Variants in ATE1 observed in about 807,000 individuals in gnomAD.
The protein encoded by ATE1 is arginyl-tRNA--protein transferase 1.
In ATE1, 36 loss-of-function variants were observed where a neutral mutation model predicts 70.5. The ratio of observed to expected loss-of-function variants is 0.51; its 90% CI spans 0.39 to 0.67. The LOEUF (loss-of-function observed/expected upper bound fraction) is 0.67, where lower values mean the gene tolerates loss of function less well. ATE1 is among the 30% of genes least tolerant of loss of function. The probability of loss-of-function intolerance (pLI) is 0.00; values close to 1 mark genes in which losing one functional copy is unlikely to be tolerated. For missense variants in ATE1, 593 were observed against 629.5 expected (o/e 0.94, Z 0.62); for synonymous variants, 232 against 219.3 (o/e 1.06, Z -0.51).
rs540294149 is a variant in ATE1, at chr10:121,752,292, G to A, written c.1379-8434C>T. Among the ~76,000 whole-genome samples the A allele has an allele frequency of 5.6e-5, 8 of 143,856 alleles. No individual in the cohort carries two copies. The South Asian group carries it at 7.0e-4, about 13-fold the overall frequency. The allele number at this position is 143,856 out of a possible 152,430, so 94.4% of individuals were successfully genotyped here. ...GTCGCCCAGGCTGGAGTGCAGTGGC[G>A]CAACCTCTGCTCACTGCAAGCTCCG... is the stretch of plus-strand genomic sequence containing the variant. On this transcript the variant is annotated intron_variant, in intron 11 of 11. Transcript: ENST00000224652.
At chr10:121,858,814 G>A (rs1466260407) in intron 8 of ATE1, among the ~76,000 whole-genome samples, 1 of 151,552 alleles carries the variant, frequency 6.6e-6, no homozygotes, top group Non-Finnish European at 1.5e-5. Context: ...GATATGTAAG[G>A]GCCGGGCGCG....
chr10:121,748,335 A>G (rs1944447485), intron 11 of ATE1, among the ~76,000 whole-genome samples: 1 of 152,140 alleles, frequency 6.6e-6, no homozygotes, highest in Admixed American at 6.5e-5. Context: ...GAAAAACCCT[A>G]CCATTATGTA....
In ATE1 at chr10:121,859,248, T is replaced by G. The variant is rs910338327; in HGVS notation, c.975+10758A>C. Among the ~76,000 whole-genome samples, 149 of 150,870 alleles carry G rather than the reference T, an allele frequency of 9.9e-4. 1 individual carries two copies. The highest frequency in any genetic ancestry group is 4.0e-4 in the Admixed American group (6 of 15,158). On this transcript the variant is annotated intron_variant, in intron 8 of 11. Transcript: ENST00000224652. ...TCCCTATGAAAGAAAAGTTATTATT[T>G]TATTTTATTTTATTTTTTTTTTTTT...
intron 7 of ATE1, among the ~76,000 whole-genome samples, chr10:121,896,659 A>C (rs1290421325): frequency 1.3e-5 from 2 of 151,692 alleles, no homozygotes; most frequent in Non-Finnish European, 2.9e-5. Flanking sequence ...AAATACAAAA[A>C]TTAGCTGGGC....
chr10:121,786,869 T>C (rs555579500), intron 11 of ATE1, among the ~76,000 whole-genome samples: 2 of 152,312 alleles, frequency 1.3e-5, no homozygotes, highest in Admixed American at 6.5e-5. Context: ...TATATGTGTA[T>C]AGAACTTTTG....
At chr10:121,928,322 C>T (rs960749919), upstream of ATE1, 3 of 1,514,652 alleles carry the variant, frequency 2.0e-6, no homozygotes, top group Non-Finnish European at 2.6e-6. Flanking sequence ...GCGGCCGCGC[C>T]AACTCCGGCG....
At chr10:121,863,226 T>G (rs1949537768) in intron 8 of ATE1, among the ~76,000 whole-genome samples, 1 of 147,290 alleles carries the variant, frequency 6.8e-6, no homozygotes, top group Non-Finnish European at 1.5e-5. Flanking sequence ...ATGTCACTCT[T>G]TCTTCCAACT....
At chr10:121,907,792 C>T (rs1332985769) in intron 5 of ATE1, among the ~76,000 whole-genome samples, 1 of 151,918 alleles carries the variant, frequency 6.6e-6, no homozygotes, top group East Asian at 1.9e-4. Context: ...GATTAAAATG[C>T]TGTAGTCCTG....
chr10:121,776,600 T>C (rs1945753545), intron 11 of ATE1, among the ~76,000 whole-genome samples: 1 of 152,206 alleles, frequency 6.6e-6, no homozygotes, highest in Non-Finnish European at 1.5e-5. Flanking sequence ...GGGCATGAAA[T>C]TCATGTAATG....
intron 11 of ATE1, among the ~76,000 whole-genome samples, chr10:121,789,587 C>T (rs1325747584): frequency 3.9e-5 from 6 of 152,022 alleles, no homozygotes; most frequent in African/African-American, 7.2e-5. Context: ...GTGTGAGCCA[C>T]GGCACCCAGC....
chr10:121,871,365 A>G (rs1949853321), intron 7 of ATE1, among the ~76,000 whole-genome samples: 1 of 152,178 alleles, frequency 6.6e-6, no homozygotes, highest in Non-Finnish European at 1.5e-5. Context: ...AGGCTGAGGC[A>G]GGAGAATTGC....
intron 5 of ATE1, among the ~76,000 whole-genome samples, chr10:121,907,450 G>A (rs1449711073): frequency 6.6e-6 from 1 of 151,032 alleles, no homozygotes; most frequent in Non-Finnish European, 1.5e-5. Flanking sequence ...GGGCAACAGA[G>A]CGAGACTGTG....
At position 121,911,061 on chromosome 10, in the gene ATE1, A is replaced by C. The variant is rs1034835200; in HGVS notation, c.428T>G (p.Leu143Arg). ...TAAACTCTCTTTGATGTCATCACTG[A>C]GTGTTTTAAGATCACACTGTATATC... ...KLDIQCDLKT[L>R]SDDIKESLES... Residue 143 changes from leucine to arginine, a missense_variant, in exon 5 of 12, where the codon CTC (leucine) becomes CGC (arginine). Physicochemically the swap from Leu to Arg is moderately radical, Grantham distance 102. Coordinates refer to ENST00000224652, the MANE Select transcript of ATE1 (RefSeq NM_001001976.3). 5 of 1,613,320 alleles carry C rather than the reference A, an allele frequency of 3.1e-6. No homozygotes were observed. In the African/African-American group the frequency reaches 4.0e-5, roughly 13 times the overall value.
intron 11 of ATE1, among the ~76,000 whole-genome samples, chr10:121,774,794 T>C (rs1005975168): frequency 6.6e-6 from 1 of 151,944 alleles, no homozygotes. Flanking sequence ...AGAAATTATC[T>C]GTGCTGATGA....
At chr10:121,769,936 G>C (rs1945433211) in intron 11 of ATE1, among the ~76,000 whole-genome samples, 1 of 152,196 alleles carries the variant, frequency 6.6e-6, no homozygotes. Flanking sequence ...AGCCATGCCG[G>C]AAAATAGTTT....
rs201116177 is a variant in ATE1, at chr10:121,743,677, A to G, written c.*3T>C. The G allele has an allele frequency of 1.1e-5, 17 of 1,603,350 alleles. No homozygotes were observed. Among genetic ancestry groups the G allele is most frequent in the Admixed American group, 1.7e-5 (1 of 57,968 alleles). ...CAGGAACTTCCCGGCAGAGGTGAAC[A>G]GGTCAGTTTCTGAACAGCAGCATCC... On this transcript the variant is annotated 3_prime_UTR_variant, in exon 12 of 12. Transcript: ENST00000224652.
chr10:121,817,211 T>C (rs1352161137), intron 10 of ATE1, among the ~76,000 whole-genome samples: 2 of 152,242 alleles, frequency 1.3e-5, no homozygotes, highest in African/African-American at 4.8e-5. Flanking sequence ...AAAGACTTAT[T>C]GAACATTTAC....
At chr10:121,852,717 A>AG (rs1949101274) in intron 8 of ATE1, among the ~76,000 whole-genome samples, 1 of 150,494 alleles carries the variant, frequency 6.6e-6, no homozygotes, top group Non-Finnish European at 1.5e-5. Flanking sequence ...TCTCAAAAAA[A>AG]TAAATAAATA....
chr10:121,866,148 T>A (rs1235304169), intron 8 of ATE1, among the ~76,000 whole-genome samples: 1 of 152,208 alleles, frequency 6.6e-6, no homozygotes, highest in Non-Finnish European at 1.5e-5. Context: ...TGCCTTTGGT[T>A]TGGCTGTCAG....
Sources: allele counts gnomAD v4.1 joint callset (sites outside exome capture counted in the v4.1 genomes callset), GRCh38; gene constraint gnomAD v4.1.1; transcripts MANE v1.5; gene names NCBI Gene and HGNC (gene_info 2026-07-23, HGNC 2026-07-21).